DCHS2: variants seen among roughly 807,000 people sequenced by gnomAD.
The protein encoded by DCHS2 is dachsous cadherin-related 2.
In DCHS2, 142 loss-of-function variants were observed where a neutral mutation model predicts 182.4. That is an observed-to-expected ratio of 0.78 (90% CI 0.68 to 0.89). The LOEUF is 0.89. Among genes scored for constraint, DCHS2 ranks in the 40% least tolerant of loss-of-function variants. DCHS2 has a pLI of 0.00. For synonymous variants in DCHS2, 1,740 were observed against 1,663.3 expected, an observed-to-expected ratio of 1.05 and a Z score of -1.12; for missense variants, 4,319 against 4,198.6, an observed-to-expected ratio of 1.03 and a Z score of -0.79.
chr4:154,424,876 C>G (rs1733257754), intron 1 of DCHS2, among the ~76,000 whole-genome samples: 1 of 152,196 alleles, frequency 6.6e-6, no homozygotes. Context: ...AAGTCTCCAG[C>G]TACAGAGACC....
At chr4:154,482,396 A>G (rs1049329672) in intron 1 of DCHS2, among the ~76,000 whole-genome samples, 2 of 152,206 alleles carry the variant, frequency 1.3e-5, no homozygotes, top group African/African-American at 4.8e-5. Context: ...ACTTTTGCTC[A>G]AGAACCAAAA....
intron 1 of DCHS2, among the ~76,000 whole-genome samples, chr4:154,419,998 C>T (rs1357071307): frequency 2.0e-5 from 3 of 151,976 alleles, no homozygotes; most frequent in African/African-American, 4.8e-5. Flanking sequence ...TAAGAACATC[C>T]TTTTTGGTAG....
intron 13 of DCHS2, among the ~76,000 whole-genome samples, chr4:154,285,301 C>T (rs373918257): frequency 1.3e-5 from 2 of 152,106 alleles, no homozygotes; most frequent in African/African-American, 4.8e-5. Context: ...CAGCATATTC[C>T]CAGATGTGGT....
intron 13 of DCHS2, among the ~76,000 whole-genome samples, chr4:154,271,748 C>T (rs1733607441): frequency 6.6e-6 from 1 of 152,060 alleles, no homozygotes; most frequent in Non-Finnish European, 1.5e-5. Flanking sequence ...TATTTTTTTA[C>T]TTAATCAATT....
intron 1 of DCHS2, among the ~76,000 whole-genome samples, chr4:154,450,511 C>G (rs1446574931): frequency 1.3e-5 from 2 of 152,082 alleles, no homozygotes; most frequent in Admixed American, 1.3e-4. Context: ...AATTTTTTGG[C>G]CAGAAGGTGA....
chr4:154,325,291 A>G (rs1379847336), intron 7 of DCHS2, among the ~76,000 whole-genome samples: 1 of 150,380 alleles, frequency 6.6e-6, no homozygotes, highest in Non-Finnish European at 1.5e-5. Flanking sequence ...GCTTTTAAAT[A>G]GTGGTATTAT....
chr4:154,484,971 T>C (rs1201285457), intron 1 of DCHS2, among the ~76,000 whole-genome samples: 1 of 152,166 alleles, frequency 6.6e-6, no homozygotes, highest in Non-Finnish European at 1.5e-5. Flanking sequence ...AGGTTGTAAA[T>C]AAAAATGTAC....
At position 154,490,957 on chromosome 4, in the gene DCHS2, G is replaced by A. The variant is rs559931479; in HGVS notation, c.399C>T (p.Arg133=). Residue 133 remains arginine (R), a synonymous_variant, in exon 1 of 20, where the codon CGC becomes CGT. Coordinates refer to ENST00000357232, the MANE Select transcript of DCHS2 (RefSeq NM_001358235.2). ...GIIRTARRLD[R]ERRDHYSFVA... is the part of the protein sequence containing the mutation. ...CGAAGCTGTAGTGGTCCCGCCGCTC[G>A]CGGTCCAGGCGCCGCGCAGTGCGGA... 2 of 1,550,314 alleles carry A rather than the reference G, an allele frequency of 1.3e-6. No individual in the cohort carries two copies. The highest frequency in any genetic ancestry group is 1.2e-5 in the South Asian group (1 of 83,974).
At chr4:154,403,184 A>AT (rs1277099080) in intron 1 of DCHS2, among the ~76,000 whole-genome samples, 2 of 152,166 alleles carry the variant, frequency 1.3e-5, no homozygotes, top group South Asian at 4.1e-4. Flanking sequence ...TCTGACAAGG[A>AT]CCTTCATATT....
At chr4:154,316,044 G>A in intron 9 of DCHS2, 57 bp from the exon 10 acceptor site, 1 of 1,596,056 alleles carries the variant, frequency 6.3e-7, no homozygotes, top group Non-Finnish European at 8.5e-7. Flanking sequence ...GAGAAGTCAT[G>A]CTTACTCCAC....
chr4:154,292,136 T>A (rs1734696934), intron 13 of DCHS2, among the ~76,000 whole-genome samples: 1 of 152,130 alleles, frequency 6.6e-6, no homozygotes, highest in African/African-American at 2.4e-5. Context: ...AAAAACAAAT[T>A]TTCTATAATA....
chr4:154,362,175 T>C (rs1384041998), intron 3 of DCHS2, among the ~76,000 whole-genome samples: 2 of 152,184 alleles, frequency 1.3e-5, no homozygotes, highest in Non-Finnish European at 2.9e-5. Context: ...CAGACAGGTA[T>C]TCTGGAAGAG....
At chr4:154,436,349 G>T (rs1733777625) in intron 1 of DCHS2, among the ~76,000 whole-genome samples, 2 of 152,120 alleles carry the variant, frequency 1.3e-5, no homozygotes, top group Admixed American at 1.3e-4. Context: ...TATGTTGTAA[G>T]TACTTTTTTC....
chr4:154,475,047 T>G (rs71605205), intron 1 of DCHS2, among the ~76,000 whole-genome samples: 27,481 of 152,114 alleles, frequency 0.18, 3,070 homozygotes, highest in Non-Finnish European at 0.26. Flanking sequence ...AATCTAATTA[T>G]AATAAAATTA....
intron 1 of DCHS2, among the ~76,000 whole-genome samples, chr4:154,464,432 AT>A (rs1735152828): frequency 6.6e-6 from 1 of 152,158 alleles, no homozygotes; most frequent in Non-Finnish European, 1.5e-5. Flanking sequence ...CCTGGTATAC[AT>A]TTTTTAAATA....
At position 154,359,140 on chromosome 4, in the gene DCHS2, C is replaced by T. The variant is rs556625242; in HGVS notation, c.2476+7070G>A. On this transcript the variant is annotated intron_variant, in intron 3 of 19. Transcript: ENST00000357232. ...AGGGACAAACATTAACTTTAAAAAA[C>T]GTCATTAATTAACTTACAGAGCACT... Among the ~76,000 whole-genome samples, 12 of 151,958 alleles carry T rather than the reference C, an allele frequency of 7.9e-5. No individual in the cohort carries two copies. The South Asian group carries it at 1.5e-3, about 18-fold the overall frequency.
intron 13 of DCHS2, among the ~76,000 whole-genome samples, chr4:154,289,174 C>G (rs1190703586): frequency 6.6e-6 from 1 of 151,716 alleles, no homozygotes; most frequent in Non-Finnish European, 1.5e-5. Context: ...AAAAGATAAA[C>G]AAAATCAACA....
chr4:154,454,372 T>C (rs1734672392), intron 1 of DCHS2, among the ~76,000 whole-genome samples: 1 of 152,120 alleles, frequency 6.6e-6, no homozygotes, highest in African/African-American at 2.4e-5. Flanking sequence ...GCCTCCCAAG[T>C]AGCTGAAACC....
Position 154,239,867 on chromosome 4 carries a change from C to A in DCHS2, c.7360-565G>T, listed in dbSNP as rs560671424. The stretch of plus-strand genomic sequence containing the variant: ...GTTTTTTTTACTATGAAAAAAAGTT[C>A]TTCTAAACTATTTCTATGAGGCAGA... On this transcript the variant is annotated intron_variant, in intron 18 of 19. Coordinates refer to ENST00000357232, the MANE Select transcript of DCHS2 (RefSeq NM_001358235.2). Among the ~76,000 whole-genome samples the A allele has an allele frequency of 3.3e-5, 5 of 152,244 alleles. No homozygotes were observed. In the South Asian group the frequency reaches 8.3e-4, roughly 25 times the overall value.
Sources: allele counts gnomAD v4.1 joint callset (sites outside exome capture counted in the v4.1 genomes callset), GRCh38; gene constraint gnomAD v4.1.1; transcripts MANE v1.5; gene names NCBI Gene and HGNC (gene_info 2026-07-23, HGNC 2026-07-21).